Variants in MGST3 observed in about 807,000 individuals in gnomAD.
The protein encoded by MGST3 is microsomal glutathione S-transferase 3.
MGST3 carries 13 observed loss-of-function variants against 15.8 expected under a neutral mutation model. The ratio of observed to expected loss-of-function variants is 0.82; its 90% confidence interval spans 0.54 to 1.31. The LOEUF is 1.31. MGST3 is among the 50% of genes most tolerant of loss of function. The probability of loss-of-function intolerance (pLI) is 0.00; values close to 1 mark genes in which losing one functional copy is unlikely to be tolerated. For missense variants in MGST3, 155 were observed against 192.4 expected, an observed-to-expected ratio of 0.81 and a Z score of 1.15; for synonymous variants, 49 against 68.1, an observed-to-expected ratio of 0.72 and a Z score of 1.38.
At chr1:165,644,183 G>C (rs1292712218) in intron 1 of MGST3, among the ~76,000 whole-genome samples, 1 of 152,142 alleles carries the variant, frequency 6.6e-6, no homozygotes, top group African/African-American at 2.4e-5. Flanking sequence ...ACTCATGATG[G>C]AGATATGTTC....
At chr1:165,650,944 G>A in intron 2 of MGST3, 70 bp from the exon 3 acceptor site, 1 of 1,326,962 alleles carries the variant, frequency 7.5e-7, no homozygotes, top group Non-Finnish European at 1.1e-6. Context: ...TTGTTTTTAA[G>A]GTTCATTTTA....
chr1:165,650,198 C>A, intron 2 of MGST3: 1 of 558,694 alleles, frequency 1.8e-6, no homozygotes, highest in Non-Finnish European at 3.2e-6. Flanking sequence ...GTAGAAAGAC[C>A]AGGAATGCTG....
At chr1:165,643,270 GC>G (rs1400059884) in intron 1 of MGST3, among the ~76,000 whole-genome samples, 1 of 151,760 alleles carries the variant, frequency 6.6e-6, no homozygotes, top group Non-Finnish European at 1.5e-5. Flanking sequence ...TATTTAACTG[GC>G]CCTCTATTAT....
chr1:165,649,863 A>C lies in MGST3; in HGVS notation c.16A>C (p.Lys6Gln). 3 of 1,614,032 alleles carry C rather than the reference A, an allele frequency of 1.9e-6. No homozygotes were observed. Among genetic ancestry groups the C allele is most frequent in the Non-Finnish European group, 2.5e-6 (3 of 1,179,994 alleles). Residue 6 changes from lysine (K) to glutamine (Q), a missense_variant, in exon 2 of 6, where the codon AAG (lysine) becomes CAG (glutamine). Physicochemically the swap from Lys to Gln is moderately conservative, Grantham distance 53. Coordinates refer to ENST00000367889, the MANE Select transcript of MGST3 (RefSeq NM_004528.4). MAVLSKEYGFVLLTGA... is the reference protein window; with the variant it reads MAVLSQEYGFVLLTGA... ...CAGACGCAAGATGGCTGTCCTCTCTAAGGAATATGGTTTTGTGCTTCTAAC... is the reference window on the plus strand; with the variant it reads ...CAGACGCAAGATGGCTGTCCTCTCTCAGGAATATGGTTTTGTGCTTCTAAC...
intron 4 of MGST3, chr1:165,653,812 G>A (rs1648626748): frequency 8.9e-6 from 2 of 224,832 alleles, no homozygotes; most frequent in Non-Finnish European, 1.8e-5. Flanking sequence ...CCTGAGCCCA[G>A]CCCTGCCAGT....
intron 1 of MGST3, 36 bp from the exon 2 acceptor site, chr1:165,649,805 G>A (rs1213880471): frequency 1.9e-6 from 3 of 1,613,340 alleles, no homozygotes; most frequent in Middle Eastern, 1.8e-4. Flanking sequence ...TAGCCACAGT[G>A]CTGGGGGCCG....
chr1:165,643,846 C>T (rs144445949), intron 1 of MGST3, among the ~76,000 whole-genome samples: 1,905 of 151,700 alleles, frequency 0.013, 39 homozygotes, highest in African/African-American at 0.044. Flanking sequence ...CCAGCCTGGG[C>T]GACAGAGCGA....
At position 165,655,440 on chromosome 1, in the gene MGST3, C is replaced by G. The variant is rs1436325283; in HGVS notation, c.395C>G (p.Ser132Cys). 1 of 1,614,138 alleles carries G rather than the reference C, an allele frequency of 6.2e-7. No homozygotes were observed. The highest frequency in any genetic ancestry group is 8.5e-7 in the Non-Finnish European group (1 of 1,180,018). The change falls in exon 6 of 6, where the codon TCT becomes TGT. Residue 132 changes from serine to cysteine, a missense_variant. Transcript: ENST00000367889. ...GGCTTGGTGGGCACAACTGTGTGCT[C>G]TGCTTTCCAGCATCTTGGTTGGGTT... The part of the protein sequence containing the change: ...LLGLVGTTVC[S>C]AFQHLGWVKS...
chr1:165,644,989 G>A (rs1199732148), intron 1 of MGST3, among the ~76,000 whole-genome samples: 1 of 152,126 alleles, frequency 6.6e-6, no homozygotes, highest in Non-Finnish European at 1.5e-5. Context: ...TTGAACTCCT[G>A]ACCTCAAGTG....
At chr1:165,649,770 C>G in intron 1 of MGST3, 71 bp from the exon 2 acceptor site, 1 of 1,599,060 alleles carries the variant, frequency 6.3e-7, no homozygotes, top group Non-Finnish European at 8.6e-7. Flanking sequence ...AAGCATCTTG[C>G]TCCCTAAGGC....
intron 1 of MGST3, among the ~76,000 whole-genome samples, chr1:165,631,889 T>C (rs1457903073): frequency 6.6e-6 from 1 of 152,262 alleles, no homozygotes; most frequent in African/African-American, 2.4e-5. Context: ...GGTCATTTCC[T>C]ACCGCTGACT....
intron 1 of MGST3, among the ~76,000 whole-genome samples, chr1:165,640,472 C>A (rs1470008353): frequency 3.3e-5 from 5 of 151,892 alleles, no homozygotes; most frequent in Admixed American, 3.3e-4. Flanking sequence ...GAATCACCAC[C>A]TCCTGCAAAT....
intron 1 of MGST3, among the ~76,000 whole-genome samples, chr1:165,638,041 C>A (rs1044995557): frequency 1.3e-5 from 2 of 152,132 alleles, no homozygotes; most frequent in African/African-American, 2.4e-5. Context: ...TCTGCTACCC[C>A]CCACGTCCTA....
At chr1:165,636,979 C>G (rs1310970123) in intron 1 of MGST3, 1 of 152,196 alleles carries the variant, frequency 6.6e-6, no homozygotes, top group Admixed American at 6.5e-5. Context: ...AAGCTACCGT[C>G]TGGTGTTTGG....
intron 1 of MGST3, chr1:165,649,362 CTCT>C (rs1648493931): frequency 6.0e-6 from 1 of 166,424 alleles, no homozygotes; most frequent in African/African-American, 2.4e-5. Flanking sequence ...CTCTCTCTCT[CTCT>C]CCCTCTCCTC....
intron 1 of MGST3, chr1:165,647,054 A>C (rs1445159079): frequency 6.6e-6 from 1 of 151,930 alleles, no homozygotes; most frequent in Non-Finnish European, 1.5e-5. Flanking sequence ...GTAGCATCAG[A>C]CTCTGGGTAC....
intron 1 of MGST3, among the ~76,000 whole-genome samples, chr1:165,643,615 C>T (rs1342768264): frequency 6.6e-6 from 1 of 151,136 alleles, no homozygotes; most frequent in African/African-American, 2.4e-5. Flanking sequence ...CCTGTAATCC[C>T]AGTACTTTGA....
chr1:165,650,434 G>T (rs9333470), intron 2 of MGST3: 3,652 of 220,370 alleles, frequency 0.017, 31 homozygotes, highest in Non-Finnish European at 0.02. Flanking sequence ...TTAGTTTTAG[G>T]TGATCTAGAA....
chr1:165,639,274 C>CA (rs1485401632), intron 1 of MGST3, among the ~76,000 whole-genome samples: 1 of 152,160 alleles, frequency 6.6e-6, no homozygotes, highest in Non-Finnish European at 1.5e-5. Flanking sequence ...GAGTAAGGGA[C>CA]AAACCCAGTA....
Sources: allele counts gnomAD v4.1 joint callset (sites outside exome capture counted in the v4.1 genomes callset), GRCh38; gene constraint gnomAD v4.1.1; transcripts MANE v1.5; gene names NCBI Gene and HGNC (gene_info 2026-07-23, HGNC 2026-07-21).